MSANTD3: variants seen among roughly 807,000 people sequenced by gnomAD.
The protein encoded by MSANTD3 is myb/SANT-like DNA-binding domain-containing protein 3.
In MSANTD3, 11 loss-of-function variants were observed where a neutral mutation model predicts 27.7. That is an observed-to-expected ratio of 0.40 (90% CI 0.25 to 0.66). MSANTD3 has a LOEUF of 0.66. Among genes scored for constraint, MSANTD3 ranks in the 30% least tolerant of loss-of-function variants. MSANTD3 has a pLI of 0.41. For synonymous variants in MSANTD3, 131 were observed against 127.2 expected (o/e 1.03, Z -0.20); for missense variants, 250 against 336.5 (o/e 0.74, Z 2.01).
At chr9:100,441,181 G>A (rs954842762) in intron 1 of MSANTD3, among the ~76,000 whole-genome samples, 7 of 151,390 alleles carry the variant, frequency 4.6e-5, no homozygotes, top group African/African-American at 1.7e-4. Context: ...TGGTCCGCCT[G>A]CCTCAGCCTC....
In MSANTD3 at chr9:100,450,333, TAACAA is replaced by T. The variant is rs1196080130; in HGVS notation, c.419-220_419-216del. 2.0e-5 allele frequency among the ~76,000 whole-genome samples: 3 copies of T among 152,202 alleles called. No homozygotes were observed. In the East Asian group the frequency reaches 5.8e-4, roughly 29 times the overall value. On this transcript the variant is annotated intron_variant, in intron 2 of 2. Coordinates refer to ENST00000395067, the MANE Select transcript of MSANTD3 (RefSeq NM_080655.3). ...ATACTTTGAAGTTCTAGAAATAACC[TAACAA>T]AACCCCTTATCATTATTTCTTAAGA... is the stretch of plus-strand genomic sequence containing the variant.
At chr9:100,444,591 G>A (rs2118246253) in intron 2 of MSANTD3, 1 of 152,816 alleles carries the variant, frequency 6.5e-6, no homozygotes, top group South Asian at 2.1e-4. Flanking sequence ...CATTGCTTAT[G>A]TTCCCTGGGA....
chr9:100,432,541 G>A (rs1485709298), intron 1 of MSANTD3, among the ~76,000 whole-genome samples: 1 of 152,182 alleles, frequency 6.6e-6, no homozygotes. Flanking sequence ...GCAATAATCA[G>A]TTAAAAAATG....
intron 2 of MSANTD3, among the ~76,000 whole-genome samples, chr9:100,445,769 A>C (rs149835037): frequency 6.6e-6 from 1 of 152,298 alleles, no homozygotes; most frequent in African/African-American, 2.4e-5. Context: ...ACTTTTTGGT[A>C]TGAGATAGTT....
chr9:100,441,029 G>A (rs548601011), intron 1 of MSANTD3, among the ~76,000 whole-genome samples: 3 of 144,794 alleles, frequency 2.1e-5, no homozygotes, highest in South Asian at 4.4e-4. Flanking sequence ...TCCACCTCCC[G>A]GGTTCAAGTA....
In MSANTD3 at chr9:100,442,148, G is replaced by A; in HGVS notation, c.210G>A (p.Leu70=). Residue 70 remains leucine, a synonymous_variant, in exon 2 of 3, where the codon CTG becomes CTA. Transcript: ENST00000395067. ...PSVSLRDFKQ[L]KKCWENIKAR... ...TGTCCCTGCGGGATTTCAAACAGCT[G>A]AAGAAGTGCTGGGAGAACATCAAGG... is the stretch of plus-strand genomic sequence containing the variant. The A allele has an allele frequency of 6.2e-7, 1 of 1,614,176 alleles. No homozygotes were observed. The highest frequency in any genetic ancestry group is 1.6e-4 in the Middle Eastern group (1 of 6,062).
chr9:100,433,653 A>G (rs1418380058), intron 1 of MSANTD3, among the ~76,000 whole-genome samples: 3 of 152,206 alleles, frequency 2.0e-5, no homozygotes, highest in Non-Finnish European at 4.4e-5. Context: ...GTGATTACAG[A>G]TGGTGATCAC....
In MSANTD3 at chr9:100,444,995, A is replaced by G. The variant is rs940052159; in HGVS notation, c.418+2639A>G. The G allele has an allele frequency of 1.3e-5, 7 of 543,416 alleles. No individual in the cohort carries two copies. The Admixed American group carries it at 2.0e-4, about 15-fold the overall frequency. The allele number at this position is 543,416 out of a possible 1,614,324, so 33.7% of individuals were successfully genotyped here. A position where few individuals can be genotyped will look rare whatever the true frequency, so the allele number is the denominator to read the frequency against. On this transcript the variant is annotated intron_variant, in intron 2 of 2. Transcript: ENST00000395067. ...CTGGTGATTATTAAAGCATAGCCAA[A>G]TGCTCCTTGCTCCTGTGTCCAGGTC...
intron 1 of MSANTD3, among the ~76,000 whole-genome samples, chr9:100,434,855 C>T (rs1836443952): frequency 6.6e-6 from 1 of 152,134 alleles, no homozygotes; most frequent in South Asian, 2.1e-4. Context: ...GTCCTTGTAT[C>T]TCCCACATAC....
intron 1 of MSANTD3, among the ~76,000 whole-genome samples, chr9:100,437,132 G>T (rs752922807): frequency 5.4e-4 from 82 of 152,060 alleles, no homozygotes; most frequent in Non-Finnish European, 1.0e-3. Context: ...TGGATCAAGG[G>T]CGGAAATTAT....
intron 1 of MSANTD3, among the ~76,000 whole-genome samples, chr9:100,441,008 T>C (rs1295458230): frequency 1.7e-4 from 25 of 145,516 alleles, no homozygotes; most frequent in Admixed American, 1.2e-3. Flanking sequence ...CGATCTTGGC[T>C]CACTGCAACC....
At chr9:100,430,858 A>G (rs551898931) in intron 1 of MSANTD3, among the ~76,000 whole-genome samples, 1 of 152,224 alleles carries the variant, frequency 6.6e-6, no homozygotes, top group South Asian at 2.1e-4. Flanking sequence ...TTGGCTATGG[A>G]GAGTTGGAGT....
Position 100,451,069 on chromosome 9 carries a change from A to G in MSANTD3, c.*103A>G, listed in dbSNP as rs1836875288. 8.6e-7 allele frequency: 1 copy of G among 1,157,848 alleles called. No homozygotes were observed. The highest frequency in any genetic ancestry group is 1.2e-6 in the Non-Finnish European group (1 of 819,830). The allele number at this position is 1,157,848 out of a possible 1,614,324, so 71.7% of individuals were successfully genotyped here. ...CTGTAACAGAGCTACAACTAGGAAA[A>G]TTAGAGTGGTAGTAGTCACTTATTT... On this transcript the variant is annotated 3_prime_UTR_variant, in exon 3 of 3. Coordinates refer to ENST00000395067, the MANE Select transcript of MSANTD3 (RefSeq NM_080655.3).
intron 1 of MSANTD3, among the ~76,000 whole-genome samples, chr9:100,434,491 C>A (rs764784883): frequency 7.2e-5 from 11 of 152,150 alleles, no homozygotes; most frequent in Non-Finnish European, 1.5e-4. Flanking sequence ...GATCACGCCA[C>A]TCTACTCCAG....
rs547420574 is a variant in MSANTD3 at position 100,439,573 on chromosome 9, G to C, written c.-33-2333G>C. ...CATCCAGGCTGGAGTGCAGTGGCGC[G>C]ATCTCAGCTCACTGCAAGCTCCGCC... On this transcript the variant is annotated intron_variant, in intron 1 of 2. Coordinates refer to ENST00000395067, the MANE Select transcript of MSANTD3 (RefSeq NM_080655.3). Among the ~76,000 whole-genome samples, 4 of 150,692 alleles carry C rather than the reference G, an allele frequency of 2.7e-5. No individual in the cohort carries two copies. The East Asian group carries it at 5.8e-4, about 22-fold the overall frequency.
intron 1 of MSANTD3, among the ~76,000 whole-genome samples, chr9:100,433,375 C>G (rs1564246908): frequency 6.6e-6 from 1 of 151,878 alleles, no homozygotes; most frequent in Non-Finnish European, 1.5e-5. Context: ...ATTATACTAC[C>G]TTTTTTTTCT....
At chr9:100,434,898 C>G (rs539530978) in intron 1 of MSANTD3, among the ~76,000 whole-genome samples, 1 of 152,076 alleles carries the variant, frequency 6.6e-6, no homozygotes, top group African/African-American at 2.4e-5. Flanking sequence ...GGCAGGAGTT[C>G]ATTACATATT....
chr9:100,448,532 G>A, intron 2 of MSANTD3: 3 of 985,378 alleles, frequency 3.0e-6, no homozygotes, highest in Non-Finnish European at 3.6e-6. Context: ...CTTCTCCATG[G>A]TTGGGCGTGT....
In MSANTD3 at chr9:100,451,333, AACAG is replaced by A. The variant is rs1409440406; in HGVS notation, c.*372_*375del. On this transcript the variant is annotated 3_prime_UTR_variant, in exon 3 of 3. Coordinates refer to ENST00000395067, the MANE Select transcript of MSANTD3 (RefSeq NM_080655.3). ...TTTTTTTTTTTCTTTTTTCTTTTTA[AACAG>A]ACAGCAGAACTTTTCTATCCAAATG... is the stretch of plus-strand genomic sequence containing the variant. 5.2e-5 allele frequency: 9 copies of A among 172,756 alleles called. No individual in the cohort carries two copies. The highest frequency in any genetic ancestry group is 1.7e-4 in the South Asian group (1 of 5,804). 10.7% of individuals were successfully genotyped at this position (172,756 alleles called of 1,614,324 possible). A position where few individuals can be genotyped will look rare whatever the true frequency, so the allele number is the denominator to read the frequency against.
Sources: gnomAD v4.1 joint callset for allele counts (sites outside exome capture counted in the v4.1 genomes callset) on GRCh38, gnomAD v4.1.1 for gene constraint, MANE v1.5 for transcripts, NCBI Gene and HGNC (gene_info 2026-07-23, HGNC 2026-07-21) for gene names.